The following SLC24A3 variants were observed in gnomAD, a reference collection of about 807,000 sequenced individuals.
SLC24A3 encodes the protein sodium/potassium/calcium exchanger 3.
Under a neutral mutation model 75.8 loss-of-function variants are expected in SLC24A3, and 28 were observed. The ratio of observed to expected loss-of-function variants is 0.37; its 90% CI spans 0.27 to 0.51. The LOEUF is 0.51. Among genes scored for constraint, SLC24A3 ranks in the 20% least tolerant of loss-of-function variants. SLC24A3 has a pLI of 0.94. For synonymous variants in SLC24A3, 372 were observed against 334.1 expected (o/e 1.11, Z -1.24); for missense variants, 663 against 847.8 (o/e 0.78, Z 2.71).
Position 19,212,872 on chromosome 20 carries a change from G to GCGTCGCCGC in SLC24A3, c.33_41dup (p.Arg18_Arg20dup). 8.0e-7 allele frequency: 1 copy of GCGTCGCCGC among 1,249,688 alleles called. No individual in the cohort carries two copies. The highest frequency in any genetic ancestry group is 1.0e-6 in the Non-Finnish European group (1 of 991,844). 77.4% of individuals were successfully genotyped at this position (1,249,688 alleles called of 1,614,324 possible). ...GGCCGTCCGGCGACGAGGACCGCGC[G>GCGTCGCCGC]CGTCGCCGCCGCCGCCGCCGCCGCC... is the stretch of plus-strand genomic sequence containing the variant. On this transcript the variant is annotated inframe_insertion, in exon 1 of 17. Coordinates refer to ENST00000328041, the MANE Select transcript of SLC24A3 (RefSeq NM_020689.4).
intron 2 of SLC24A3, among the ~76,000 whole-genome samples, chr20:19,512,161 G>T (rs201265462): frequency 1.3e-5 from 2 of 152,204 alleles, no homozygotes; most frequent in East Asian, 1.9e-4. Context: ...TTTGATAGAG[G>T]AGCTCCCAGC....
intron 6 of SLC24A3, among the ~76,000 whole-genome samples, chr20:19,635,878 C>T (rs2031994577): frequency 6.6e-6 from 1 of 152,188 alleles, no homozygotes; most frequent in Non-Finnish European, 1.5e-5. Flanking sequence ...CGGTGGCTTA[C>T]ACCTGTAATC....
At chr20:19,474,749 G>A (rs6046124) in intron 2 of SLC24A3, among the ~76,000 whole-genome samples, 91,111 of 152,010 alleles carry the variant, frequency 0.6, 27,619 homozygotes, top group East Asian at 0.71. Flanking sequence ...GAACATTTAA[G>A]ATCTACTCTC....
chr20:19,312,525 CT>C (rs1984484594), intron 2 of SLC24A3, among the ~76,000 whole-genome samples: 1 of 152,190 alleles, frequency 6.6e-6, no homozygotes, highest in African/African-American at 2.4e-5. Flanking sequence ...ACAAGGGTAA[CT>C]GACCATTGTG....
intron 6 of SLC24A3, among the ~76,000 whole-genome samples, chr20:19,651,860 C>A (rs980772232): frequency 2.6e-3 from 311 of 119,982 alleles, no homozygotes; most frequent in Admixed American, 2.8e-3. Flanking sequence ...GACTCCATCT[C>A]AAAAAAAAAA....
At chr20:19,594,120 G>T (rs959490462) in intron 6 of SLC24A3, among the ~76,000 whole-genome samples, 6 of 152,214 alleles carry the variant, frequency 3.9e-5, no homozygotes, top group African/African-American at 1.4e-4. Context: ...GCACTGGAAA[G>T]CTTCCCCTGG....
chr20:19,554,891 C>T (rs574520707), intron 3 of SLC24A3, among the ~76,000 whole-genome samples: 12 of 152,294 alleles, frequency 7.9e-5, no homozygotes, highest in South Asian at 4.1e-4. Context: ...GACAAAGCCA[C>T]CCACCAATTT....
chr20:19,243,473 C>G (rs1424946055), intron 1 of SLC24A3, among the ~76,000 whole-genome samples: 1 of 152,208 alleles, frequency 6.6e-6, no homozygotes, highest in African/African-American at 2.4e-5. Flanking sequence ...TGGAAGTTAA[C>G]ATTTTTCCTA....
At chr20:19,614,978 A>G (rs540715604) in intron 6 of SLC24A3, among the ~76,000 whole-genome samples, 11 of 152,274 alleles carry the variant, frequency 7.2e-5, no homozygotes, top group African/African-American at 2.6e-4. Context: ...TCCAAACCAT[A>G]ATCTTTTTGT....
chr20:19,493,671 G>T (rs1172919273), intron 2 of SLC24A3, among the ~76,000 whole-genome samples: 1 of 152,120 alleles, frequency 6.6e-6, no homozygotes, highest in Non-Finnish European at 1.5e-5. Flanking sequence ...GAAAGAGAAT[G>T]GATCATAAAA....
intron 2 of SLC24A3, among the ~76,000 whole-genome samples, chr20:19,375,498 C>G (rs2122363224): frequency 6.6e-6 from 1 of 152,284 alleles, no homozygotes; most frequent in East Asian, 1.9e-4. Flanking sequence ...ACCCCAGTGT[C>G]AGAGCTGCTG....
intron 2 of SLC24A3, among the ~76,000 whole-genome samples, chr20:19,306,648 A>G (rs949940350): frequency 3.9e-5 from 6 of 152,152 alleles, no homozygotes; most frequent in African/African-American, 1.4e-4. Flanking sequence ...GGAGCTAAAC[A>G]TTGGGTACAC....
intron 2 of SLC24A3, among the ~76,000 whole-genome samples, chr20:19,384,268 A>G (rs1180031404): frequency 6.6e-6 from 1 of 152,186 alleles, no homozygotes; most frequent in Non-Finnish European, 1.5e-5. Context: ...CTATACGTTA[A>G]ATCTCCAGAA....
intron 1 of SLC24A3, among the ~76,000 whole-genome samples, chr20:19,221,307 C>T (rs910615436): frequency 2.6e-5 from 4 of 152,184 alleles, no homozygotes; most frequent in Admixed American, 2.6e-4. Flanking sequence ...ATTCCTCTGG[C>T]CTGCTCTGAT....
At position 19,469,505 on chromosome 20, in the gene SLC24A3, C is replaced by T. The variant is rs578230552; in HGVS notation, c.272-45983C>T. On this transcript the variant is annotated intron_variant, in intron 2 of 16. Transcript: ENST00000328041. ...CCTGCCCACAGTGCTAAGCAGGGAG[C>T]ACTCCACGTAGCTGCATCCACTGTT... 3.3e-5 allele frequency among the ~76,000 whole-genome samples: 5 copies of T among 152,256 alleles called. No individual in the cohort carries two copies. The East Asian group carries it at 9.7e-4, about 29-fold the overall frequency.
chr20:19,368,701 C>T (rs937042217), intron 2 of SLC24A3, among the ~76,000 whole-genome samples: 1 of 152,220 alleles, frequency 6.6e-6, no homozygotes, highest in Non-Finnish European at 1.5e-5. Context: ...CAATACCCAG[C>T]AGTGTAGCCA....
chr20:19,609,693 A>C (rs996466619), intron 6 of SLC24A3, among the ~76,000 whole-genome samples: 1 of 152,244 alleles, frequency 6.6e-6, no homozygotes, highest in African/African-American at 2.4e-5. Flanking sequence ...CTAAAATCTC[A>C]ATGCAACCAT....
chr20:19,470,887 T>C (rs914803694), intron 2 of SLC24A3, among the ~76,000 whole-genome samples: 2 of 152,124 alleles, frequency 1.3e-5, no homozygotes, highest in Non-Finnish European at 2.9e-5. Context: ...AACACCAGTG[T>C]GGTAAGTAAC....
intron 1 of SLC24A3, among the ~76,000 whole-genome samples, chr20:19,247,821 A>G (rs907840179): frequency 1.3e-5 from 2 of 152,226 alleles, no homozygotes; most frequent in East Asian, 1.9e-4. Context: ...TTAAAGTTAC[A>G]TATGTGATTT....
Sources: allele counts gnomAD v4.1 joint callset (sites outside exome capture counted in the v4.1 genomes callset), GRCh38; gene constraint gnomAD v4.1.1; transcripts MANE v1.5; gene names NCBI Gene and HGNC (gene_info 2026-07-23, HGNC 2026-07-21).